The following NECTIN1 variants were observed in gnomAD, a reference collection of about 807,000 sequenced individuals.
NECTIN1 encodes nectin-1.
NECTIN1 carries 23 observed loss-of-function variants against 48.0 expected under a neutral mutation model. The observed-to-expected ratio is 0.48, with a 90% CI of 0.34 to 0.68. The LOEUF is 0.68. Ranked by LOEUF, NECTIN1 falls within the 30% of genes least tolerant of loss-of-function variation. NECTIN1 has a pLI of 0.01. For synonymous variants in NECTIN1, 270 were observed against 288.9 expected (o/e 0.93, Z 0.66); for missense variants, 591 against 709.9 (o/e 0.83, Z 1.90).
At chr11:119,690,274 T>C (rs1865230422) in intron 1 of NECTIN1, among the ~76,000 whole-genome samples, 1 of 152,124 alleles carries the variant, frequency 6.6e-6, no homozygotes, top group African/African-American at 2.4e-5. Flanking sequence ...GGCCAGCCTC[T>C]CTTTCCATGT....
Position 119,678,705 on chromosome 11 carries a change from A to T in NECTIN1, c.140T>A (p.Val47Glu). 1.2e-6 allele frequency: 2 copies of T among 1,613,878 alleles called. No individual in the cohort carries two copies. The highest frequency in any genetic ancestry group is 2.2e-5 in the South Asian group (2 of 91,048). ...DSMYGFIGTDVVLHCSFANPL... is the reference protein window; with the variant it reads ...DSMYGFIGTDEVLHCSFANPL... ...GTTGGCAAAGCTGCAGTGCAGAACCACGTCTGTGCCGATGAAGCCATACAT... is the reference window on the plus strand; with the variant it reads ...GTTGGCAAAGCTGCAGTGCAGAACCTCGTCTGTGCCGATGAAGCCATACAT... Residue 47 changes from valine to glutamate, a missense_variant, in exon 2 of 6, where the codon GTG (valine) becomes GAG (glutamate). By Grantham distance (121) the Val-to-Glu change is moderately radical. Transcript: ENST00000264025. This position sits in a 1 kb window ranked among gnomAD's most constrained non-coding sequence, Gnocchi z 4.4.
At chr11:119,716,634 G>C (rs1197725932) in intron 1 of NECTIN1, among the ~76,000 whole-genome samples, 2 of 152,238 alleles carry the variant, frequency 1.3e-5, no homozygotes, top group Non-Finnish European at 2.9e-5. Context: ...ACAAAACAAT[G>C]ATCTAAGACT....
At position 119,648,406 on chromosome 11, in the gene NECTIN1, GTGA is replaced by G. The variant is rs1165025073; in HGVS notation, c.1004-8397_1004-8395del. Among the ~76,000 whole-genome samples, 99 of 82,970 alleles carry G rather than the reference GTGA, an allele frequency of 1.2e-3. 5 individuals are homozygous for G. The highest frequency in any genetic ancestry group is 1.3e-3 in the Non-Finnish European group (53 of 39,346). The allele number at this position is 82,970 out of a possible 152,430, so 54.4% of individuals were successfully genotyped here. On this transcript the variant is annotated intron_variant, in intron 5 of 7. Coordinates refer to the NECTIN1 transcript ENST00000341398. ...GGTGGTGGTGGTGATGGTGGTGATG[GTGA>G]TGGTGGTGGTGATGGTGGTGATGGT... is the stretch of plus-strand genomic sequence containing the variant.
Position 119,720,844 on chromosome 11 carries a change from T to A in NECTIN1, c.79+7631A>T, listed in dbSNP as rs533091124. 4.2e-4 allele frequency among the ~76,000 whole-genome samples: 64 copies of A among 152,230 alleles called. No homozygotes were observed. The South Asian group carries it at 0.013, about 32-fold the overall frequency. Reference sequence around the variant, plus strand: ...GATGGAATCCAAGGCCCCAGCACAATGACTGAGGACAAGGAACGCGAGCTG... The same window carrying A: ...GATGGAATCCAAGGCCCCAGCACAAAGACTGAGGACAAGGAACGCGAGCTG... On this transcript the variant is annotated intron_variant, in intron 1 of 5. Coordinates refer to ENST00000264025, the MANE Select transcript of NECTIN1 (RefSeq NM_002855.5).
rs529380154 is a variant in NECTIN1 at position 119,653,791 on chromosome 11, TCTC to T, written c.1004-13782_1004-13780del. On this transcript the variant is annotated intron_variant, in intron 5 of 7. Coordinates refer to the NECTIN1 transcript ENST00000341398. ...GTTGAGTGCTTTACAAGGAGTCAATTCTCCTTTAATCCTTACAGCCGTCGGTGG... is the reference window on the plus strand; with the variant it reads ...GTTGAGTGCTTTACAAGGAGTCAATTCTTTAATCCTTACAGCCGTCGGTGG... Among the ~76,000 whole-genome samples, 37 of 152,316 alleles carry T rather than the reference TCTC, an allele frequency of 2.4e-4. 1 individual carries two copies. In the South Asian group the frequency reaches 7.7e-3, roughly 32 times the overall value.
In NECTIN1 at chr11:119,664,085, G is replaced by A. The variant is rs182405056; in HGVS notation, c.*662C>T. On this transcript the variant is annotated 3_prime_UTR_variant, in exon 6 of 6. Coordinates refer to ENST00000264025, the MANE Select transcript of NECTIN1 (RefSeq NM_002855.5). ...GAGCTAGGCCAACTCCACTCTCTGT[G>A]GGCCAATGAGGAAAAAAAATGTAAA... 3 of 985,848 alleles carry A rather than the reference G, an allele frequency of 3.0e-6. No homozygotes were observed. Among genetic ancestry groups the A allele is most frequent in the Non-Finnish European group, 3.6e-6 (3 of 830,176 alleles). 61.1% of individuals were successfully genotyped at this position (985,848 alleles called of 1,614,324 possible).
chr11:119,678,323 GA>G lies in NECTIN1; in HGVS notation c.430+91del. 8.5e-7 allele frequency: 1 copy of G among 1,179,806 alleles called. No homozygotes were observed. The highest frequency in any genetic ancestry group is 1.3e-6 in the Non-Finnish European group (1 of 790,898). 73.1% of individuals were successfully genotyped at this position (1,179,806 alleles called of 1,614,324 possible). On this transcript the variant is annotated intron_variant, in intron 2 of 5. Coordinates refer to ENST00000264025, the MANE Select transcript of NECTIN1 (RefSeq NM_002855.5). This position sits in a 1 kb window ranked among gnomAD's most constrained non-coding sequence, Gnocchi z 4.4. ...GATGGCAGCATGCCCACCCAAGGGG[GA>G]TGTCTGGGGTCATTGAGGCATCCTG...
intron 1 of NECTIN1, 56 bp downstream of exon 1, chr11:119,728,419 C>T (rs1865953190): frequency 1.3e-6 from 2 of 1,503,778 alleles, no homozygotes; most frequent in South Asian, 2.4e-5. Flanking sequence ...CATCCGGCTC[C>T]CAGCCCCGGG....
Position 119,684,924 on chromosome 11 carries a change from G to A in NECTIN1, c.80-6159C>T, listed in dbSNP as rs941447197. Among the ~76,000 whole-genome samples the A allele has an allele frequency of 2.6e-5, 4 of 152,144 alleles. No individual in the cohort carries two copies. Among genetic ancestry groups the A allele is most frequent in the Admixed American group, 6.5e-5 (1 of 15,278 alleles). The stretch of plus-strand genomic sequence containing the variant: ...TTCCCCATTAGTCCAGGAGATTCAC[G>A]GGTGCCCAGGCTGCCCCCTCCTGCC... On this transcript the variant is annotated intron_variant, in intron 1 of 5. Coordinates refer to ENST00000264025, the MANE Select transcript of NECTIN1 (RefSeq NM_002855.5). The surrounding 1 kb of genome is among the most constrained non-coding windows in gnomAD (Gnocchi z 5.2).
chr11:119,700,724 T>C (rs938029790), intron 1 of NECTIN1, among the ~76,000 whole-genome samples: 1 of 152,212 alleles, frequency 6.6e-6, no homozygotes, highest in African/African-American at 2.4e-5. Context: ...CTTCAAGGTG[T>C]TGTATGCAAG....
In NECTIN1 at chr11:119,662,098, G is replaced by A; in HGVS notation, c.*2649C>T. 3.0e-6 allele frequency: 3 copies of A among 985,558 alleles called. No homozygotes were observed. Among genetic ancestry groups the A allele is most frequent in the Non-Finnish European group, 3.6e-6 (3 of 829,968 alleles). The allele number at this position is 985,558 out of a possible 1,614,324, so 61.1% of individuals were successfully genotyped here. ...GGACAGGGAGGGCAACAAGAGGCAG[G>A]ATGACAACTGGGGAGGCCTTGGCAC... On this transcript the variant is annotated 3_prime_UTR_variant, in exon 6 of 6. Transcript: ENST00000264025. This position sits in a 1 kb window ranked among gnomAD's most constrained non-coding sequence, Gnocchi z 5.3.
chr11:119,660,870 G>A (rs1169187701), downstream of NECTIN1: 2 of 446,222 alleles, frequency 4.5e-6, no homozygotes, highest in East Asian at 3.1e-4. Flanking sequence ...CTGGAACCCT[G>A]GAACCTGGAC....
downstream of NECTIN1, among the ~76,000 whole-genome samples, chr11:119,660,739 T>C (rs897627564): frequency 2.6e-5 from 4 of 152,172 alleles, no homozygotes; most frequent in Admixed American, 6.5e-5. Context: ...CTCCCTCCTG[T>C]GTCTGTGGAC....
intron 5 of NECTIN1, chr11:119,674,262 C>T: frequency 9.1e-7 from 1 of 1,097,038 alleles, no homozygotes; most frequent in Non-Finnish European, 1.2e-6. Flanking sequence ...GTCACCCTGT[C>T]ACCCTGCAGA....
At chr11:119,644,378 A>G (rs940484466) in intron 5 of NECTIN1, among the ~76,000 whole-genome samples, 2 of 152,136 alleles carry the variant, frequency 1.3e-5, no homozygotes, top group Non-Finnish European at 2.9e-5. Context: ...GTAGCCAGCA[A>G]TCTTCACCTG....
intron 1 of NECTIN1, among the ~76,000 whole-genome samples, chr11:119,704,363 G>C (rs1865511387): frequency 6.6e-6 from 1 of 152,068 alleles, no homozygotes; most frequent in Admixed American, 6.5e-5. Flanking sequence ...TGGGATTATA[G>C]GCACCCACCA....
intron 1 of NECTIN1, among the ~76,000 whole-genome samples, chr11:119,705,917 G>T (rs539629912): frequency 1.3e-5 from 2 of 152,244 alleles, no homozygotes; most frequent in African/African-American, 4.8e-5. Flanking sequence ...CCTTCTCCCT[G>T]CAGACAAGCT....
chr11:119,666,278 C>G (rs1014693796), intron 5 of NECTIN1, among the ~76,000 whole-genome samples: 27 of 152,328 alleles, frequency 1.8e-4, no homozygotes, highest in African/African-American at 6.3e-4. Flanking sequence ...CATGCCTGTG[C>G]CGACATGATG....
intron 1 of NECTIN1, among the ~76,000 whole-genome samples, chr11:119,690,459 G>A (rs987220636): frequency 1.7e-4 from 26 of 152,030 alleles, no homozygotes; most frequent in Admixed American, 4.6e-4. Flanking sequence ...GCTGGGGCCA[G>A]AAAAAAAAGG....
Sources: allele counts gnomAD v4.1 joint callset (sites outside exome capture counted in the v4.1 genomes callset), GRCh38; gene constraint gnomAD v4.1.1; non-coding constraint Gnocchi (gnomAD v3.1); transcripts MANE v1.5; gene names NCBI Gene and HGNC (gene_info 2026-07-23, HGNC 2026-07-21).